C17orf99: variants seen among roughly 807,000 people sequenced by gnomAD.
C17orf99 encodes protein IL-40.
C17orf99 carries 18 observed loss-of-function variants against 22.6 expected under a neutral mutation model. The observed-to-expected ratio is 0.80, with a 90% CI of 0.55 to 1.18. The LOEUF (loss-of-function observed/expected upper bound fraction) is 1.18. C17orf99 is among the 50% of genes most tolerant of loss of function. The pLI is 0.00. For missense variants in C17orf99, 328 were observed against 342.7 expected, an observed-to-expected ratio of 0.96 and a Z score of 0.34; for synonymous variants, 147 against 136.6, an observed-to-expected ratio of 1.08 and a Z score of -0.53.
intron 2 of C17orf99, among the ~76,000 whole-genome samples, chr17:78,150,709 G>T (rs1598941470): frequency 6.6e-6 from 1 of 152,182 alleles, no homozygotes; most frequent in East Asian, 1.9e-4. Flanking sequence ...GACACCTGAA[G>T]GGGTAGACAG....
At chr17:78,157,508 G>C in intron 2 of C17orf99, 1 of 1,184,832 alleles carries the variant, frequency 8.4e-7, no homozygotes, top group Non-Finnish European at 1.2e-6. Flanking sequence ...GTGTAAAAAT[G>C]ACTTTGTAGG....
intron 4 of C17orf99, chr17:78,164,942 A>T: frequency 8.7e-7 from 1 of 1,150,838 alleles, no homozygotes; most frequent in Non-Finnish European, 1.1e-6. Context: ...CTGGGAGGGC[A>T]GTCTCCTAAG....
chr17:78,164,403 C>T, intron 4 of C17orf99, 39 bp downstream of exon 4: 1 of 1,551,054 alleles, frequency 6.4e-7, no homozygotes, highest in Non-Finnish European at 8.7e-7. Flanking sequence ...GCAGCTGGCG[C>T]TTCTGTGCCG....
intron 3 of C17orf99, among the ~76,000 whole-genome samples, chr17:78,161,625 C>T (rs1274055764): frequency 1.3e-5 from 2 of 152,112 alleles, no homozygotes; most frequent in African/African-American, 4.8e-5. Flanking sequence ...AGGCTGATCG[C>T]TTGAGCCCAG....
rs934487855 is a variant in C17orf99 at position 78,161,142 on chromosome 17, C to T, written c.258C>T (p.Asn86=). 1.2e-5 allele frequency: 19 copies of T among 1,551,712 alleles called. No homozygotes were observed. Among genetic ancestry groups the T allele is most frequent in the East Asian group, 4.9e-5 (2 of 40,938 alleles). The change falls in exon 3 of 5, where the codon AAC becomes AAT. Residue 86 remains asparagine (N), a synonymous_variant. Transcript: ENST00000340363. ...ACGAGCCGGCCTCCTTCAACCTCAACGTCACACTCAAGTCCAGTCCAGACC... is the reference window on the plus strand; with the variant it reads ...ACGAGCCGGCCTCCTTCAACCTCAATGTCACACTCAAGTCCAGTCCAGACC... The part of the protein sequence containing the change: ...KTHEPASFNL[N]VTLKSSPDLL...
chr17:78,146,253 G>A (rs1263060953), upstream of C17orf99: 8 of 611,188 alleles, frequency 1.3e-5, no homozygotes, highest in East Asian at 2.9e-5. This position sits in a 1 kb window ranked among gnomAD's most constrained non-coding sequence, Gnocchi z 5.2. Flanking sequence ...TCTGGGCCCC[G>A]CCCTGGTAGC....
intron 4 of C17orf99, chr17:78,164,726 G>C (rs763160558): frequency 7.5e-7 from 1 of 1,331,990 alleles, no homozygotes; most frequent in Non-Finnish European, 9.8e-7. Flanking sequence ...AGGTCCAACC[G>C]GGCCCTGGCT....
intron 4 of C17orf99, 78 bp downstream of exon 4, chr17:78,164,442 C>T (rs1193919718): frequency 8.4e-6 from 13 of 1,549,552 alleles, no homozygotes; most frequent in South Asian, 3.6e-5. Context: ...AGACACAGGT[C>T]GATGGGAAGT....
chr17:78,151,546 G>C (rs866535049), intron 2 of C17orf99, among the ~76,000 whole-genome samples: 11 of 152,014 alleles, frequency 7.2e-5, no homozygotes, highest in African/African-American at 2.7e-4. Context: ...AGTCTGCAGG[G>C]CTGGGTCCTC....
chr17:78,160,559 G>GAT (rs2075566173), intron 2 of C17orf99, among the ~76,000 whole-genome samples: 1 of 150,222 alleles, frequency 6.7e-6, no homozygotes, highest in Non-Finnish European at 1.5e-5. Flanking sequence ...GAGAGAGAGA[G>GAT]AGAGAACATG....
chr17:78,152,205 G>T (rs1187455555), intron 2 of C17orf99, among the ~76,000 whole-genome samples: 1 of 152,090 alleles, frequency 6.6e-6, no homozygotes, highest in Non-Finnish European at 1.5e-5. Context: ...TTGAGACAGG[G>T]TCTCGCTCTG....
At chr17:78,165,272 A>G (rs372650383) in intron 4 of C17orf99, 8 of 986,610 alleles carry the variant, frequency 8.1e-6, no homozygotes, top group Non-Finnish European at 9.6e-6. Flanking sequence ...CCTGGTTCTC[A>G]TCCTCTGCCC....
chr17:78,158,629 G>T lies in C17orf99; in HGVS notation c.71-2326G>T, dbSNP rs569494960. The T allele has an allele frequency of 3.0e-4, 49 of 165,366 alleles. No individual in the cohort carries two copies. The South Asian group carries it at 8.7e-3, about 29-fold the overall frequency. The allele number at this position is 165,366 out of a possible 1,614,324, so 10.2% of individuals were successfully genotyped here. ...ACAATTTATTTGATGTTTTATTTTG[G>T]TTTTTTGCATCACCTCAATCTGTTG... On this transcript the variant is annotated intron_variant, in intron 2 of 4. Transcript: ENST00000340363.
At chr17:78,164,767 A>T in intron 4 of C17orf99, 1 of 1,283,110 alleles carries the variant, frequency 7.8e-7, no homozygotes, top group Non-Finnish European at 1.0e-6. Context: ...CTTGCAGGGC[A>T]GGGCTGTGGC....
chr17:78,163,107 A>T (rs1445458335), intron 3 of C17orf99, among the ~76,000 whole-genome samples: 1 of 152,228 alleles, frequency 6.6e-6, no homozygotes, highest in Non-Finnish European at 1.5e-5. Flanking sequence ...TTAAAAAATT[A>T]ATCAGGTATG....
chr17:78,151,750 C>A (rs2075485427), intron 2 of C17orf99, among the ~76,000 whole-genome samples: 1 of 152,162 alleles, frequency 6.6e-6, no homozygotes, highest in Non-Finnish European at 1.5e-5. Flanking sequence ...ACCTGATTTC[C>A]AAATATGTTC....
intron 4 of C17orf99, chr17:78,165,183 C>A: frequency 1.0e-6 from 1 of 993,688 alleles, no homozygotes; most frequent in Non-Finnish European, 1.2e-6. Context: ...GGCCTGTGTG[C>A]TCTGCCTGTC....
chr17:78,150,468 G>GC lies in C17orf99; in HGVS notation c.70+3558dup, dbSNP rs201592587. Among the ~76,000 whole-genome samples, 587 of 152,272 alleles carry GC rather than the reference G, an allele frequency of 3.9e-3. 6 individuals are homozygous for GC. Among genetic ancestry groups the GC allele is most frequent in the Middle Eastern group, 0.014 (4 of 294 alleles). On this transcript the variant is annotated intron_variant, in intron 2 of 4. Coordinates refer to ENST00000340363, the MANE Select transcript of C17orf99 (RefSeq NM_001163075.2). ...TGTTTTGAAATCCCCAAGAATTCTG[G>GC]CAAGTATAGCATTAAGCATGGTAGG...
intron 2 of C17orf99, among the ~76,000 whole-genome samples, chr17:78,160,547 AAG>A (rs1555598430): frequency 4.2e-5 from 6 of 143,540 alleles, no homozygotes; most frequent in African/African-American, 7.9e-5. Flanking sequence ...AAAAAAAAAA[AAG>A]AGAGAGAGAG....
Sources: gnomAD v4.1 joint callset for allele counts (sites outside exome capture counted in the v4.1 genomes callset) on GRCh38, gnomAD v4.1.1 for gene constraint, Gnocchi (gnomAD v3.1) non-coding constraint, MANE v1.5 for transcripts, NCBI Gene and HGNC (gene_info 2026-07-23, HGNC 2026-07-21) for gene names.